Variants in XKR4 observed in about 807,000 individuals in gnomAD.
XKR4 encodes the protein XK related 4.
XKR4 carries 12 observed loss-of-function variants against 53.9 expected under a neutral mutation model. That is an observed-to-expected ratio of 0.22 (90% CI 0.14 to 0.36). XKR4 has a LOEUF of 0.36. Ranked by LOEUF, XKR4 falls within the 10% of genes least tolerant of loss-of-function variation. The pLI is 1.00. For synonymous variants in XKR4, 354 were observed against 362.4 expected, an observed-to-expected ratio of 0.98 and a Z score of 0.26; for missense variants, 799 against 859.5, an observed-to-expected ratio of 0.93 and a Z score of 0.88.
intron 1 of XKR4, among the ~76,000 whole-genome samples, chr8:55,112,453 A>G (rs76095277): frequency 0.14 from 20,851 of 151,828 alleles, 1,794 homozygotes; most frequent in Middle Eastern, 0.26. Flanking sequence ...TGAATCACCA[A>G]TCTGACAGAT....
At chr8:55,126,075 G>T (rs1404707395) in intron 1 of XKR4, among the ~76,000 whole-genome samples, 1 of 152,106 alleles carries the variant, frequency 6.6e-6, no homozygotes, top group Non-Finnish European at 1.5e-5. Flanking sequence ...TGCATCTTAT[G>T]TGATAGAAAC....
chr8:55,526,959 T>C lies in XKR4; in HGVS notation c.*2732T>C, dbSNP rs1451618631. 1 of 152,210 alleles carries C rather than the reference T, an allele frequency of 6.6e-6. No individual in the cohort carries two copies. The highest frequency in any genetic ancestry group is 1.5e-5 in the Non-Finnish European group (1 of 68,040). The allele number at this position is 152,210 out of a possible 1,614,324, so 9.4% of individuals were successfully genotyped here. ...GACATATTTGGAGATTATGATGTTT[T>C]AATTAGGCATGAATTCTTGTTAAGG... is the stretch of plus-strand genomic sequence containing the variant. On this transcript the variant is annotated 3_prime_UTR_variant, in exon 3 of 3. Transcript: ENST00000327381.
chr8:55,339,815 G>A (rs925082204), intron 1 of XKR4, among the ~76,000 whole-genome samples: 8 of 152,068 alleles, frequency 5.3e-5, no homozygotes, highest in African/African-American at 1.7e-4. Context: ...CACACTGGAA[G>A]TTCAGAAAAA....
intron 2 of XKR4, among the ~76,000 whole-genome samples, chr8:55,364,071 G>A (rs1170216518): frequency 6.6e-6 from 1 of 152,190 alleles, no homozygotes; most frequent in East Asian, 1.9e-4. Context: ...AGGTTAATTA[G>A]TTTAAAATGA....
At chr8:55,505,833 C>A (rs1446314853) in intron 2 of XKR4, among the ~76,000 whole-genome samples, 2 of 152,286 alleles carry the variant, frequency 1.3e-5, no homozygotes, top group Non-Finnish European at 2.9e-5. Flanking sequence ...GGTTGAACAA[C>A]CTGATTTTTA....
intron 2 of XKR4, among the ~76,000 whole-genome samples, chr8:55,378,654 T>C (rs1804185185): frequency 6.6e-6 from 1 of 152,122 alleles, no homozygotes; most frequent in African/African-American, 2.4e-5. Context: ...ACATAGAAAT[T>C]GCCTATACTC....
At chr8:55,201,154 T>A (rs757342695) in intron 1 of XKR4, among the ~76,000 whole-genome samples, 27 of 152,228 alleles carry the variant, frequency 1.8e-4, no homozygotes, top group Non-Finnish European at 1.2e-4. Context: ...AAAATTGACT[T>A]TATGTCTGCT....
At chr8:55,376,237 A>G (rs897089589) in intron 2 of XKR4, among the ~76,000 whole-genome samples, 2 of 152,164 alleles carry the variant, frequency 1.3e-5, no homozygotes, top group African/African-American at 4.8e-5. Flanking sequence ...TCCTTTGGGT[A>G]TATACCTAGT....
chr8:55,293,733 C>T lies in XKR4; in HGVS notation c.807-63945C>T, dbSNP rs1819063109. On this transcript the variant is annotated intron_variant, in intron 1 of 2. Coordinates refer to ENST00000327381, the MANE Select transcript of XKR4 (RefSeq NM_052898.2). Reference sequence around the variant, plus strand: ...TTTTCCTAAAGAAAATGTTTATACGCTAATTTTGTTTCTTTGCATAGATGG... The same window carrying T: ...TTTTCCTAAAGAAAATGTTTATACGTTAATTTTGTTTCTTTGCATAGATGG... 2.0e-5 allele frequency among the ~76,000 whole-genome samples: 3 copies of T among 152,030 alleles called. No homozygotes were observed. The South Asian group carries it at 6.2e-4, about 32-fold the overall frequency.
At chr8:55,361,399 G>T (rs904569375) in intron 2 of XKR4, among the ~76,000 whole-genome samples, 1 of 152,146 alleles carries the variant, frequency 6.6e-6, no homozygotes, top group East Asian at 1.9e-4. Context: ...CACATGGAGG[G>T]TGCTGCTCTC....
chr8:55,286,918 A>C (rs1818914285), intron 1 of XKR4, among the ~76,000 whole-genome samples: 1 of 152,154 alleles, frequency 6.6e-6, no homozygotes, highest in African/African-American at 2.4e-5. Flanking sequence ...TCAGCTACAG[A>C]TTTTTGCTCA....
In XKR4 at chr8:55,149,391, G is replaced by A. The variant is rs184856364; in HGVS notation, c.806+46097G>A. On this transcript the variant is annotated intron_variant, in intron 1 of 2. Transcript: ENST00000327381. ...ACGTAGGAGAATCTGAAGGGAGGTC[G>A]GGGTGGGGACAGGAGCAGGAGATGA... Among the ~76,000 whole-genome samples, 9 of 152,290 alleles carry A rather than the reference G, an allele frequency of 5.9e-5. No homozygotes were observed. The East Asian group carries it at 1.2e-3, about 20-fold the overall frequency.
chr8:55,428,883 T>A (rs1805057167), intron 2 of XKR4, among the ~76,000 whole-genome samples: 1 of 152,210 alleles, frequency 6.6e-6, no homozygotes, highest in Non-Finnish European at 1.5e-5. Flanking sequence ...GCAATTCCTA[T>A]CAAAATCTCA....
chr8:55,232,343 C>A (rs1818053661), intron 1 of XKR4, among the ~76,000 whole-genome samples: 2 of 152,214 alleles, frequency 1.3e-5, no homozygotes, highest in South Asian at 4.1e-4. Flanking sequence ...TGCCAGGCCA[C>A]AGTTTGGAAC....
intron 2 of XKR4, among the ~76,000 whole-genome samples, chr8:55,466,054 T>C (rs1805763149): frequency 6.6e-6 from 1 of 152,092 alleles, no homozygotes; most frequent in Admixed American, 6.6e-5. Context: ...GTAAACTAGT[T>C]CAACCATTGT....
intron 1 of XKR4, among the ~76,000 whole-genome samples, chr8:55,302,714 C>A (rs1482976053): frequency 6.6e-6 from 1 of 152,084 alleles, no homozygotes; most frequent in Non-Finnish European, 1.5e-5. Flanking sequence ...TCCTTCACAT[C>A]CCTTGTAAGT....
chr8:55,463,107 G>C (rs1339440504), intron 2 of XKR4, among the ~76,000 whole-genome samples: 1 of 152,128 alleles, frequency 6.6e-6, no homozygotes, highest in African/African-American at 2.4e-5. Flanking sequence ...ATTGAACTCA[G>C]CTCTACACCA....
At chr8:55,171,548 AGAGTTGCCTAATGG>A (rs1297039259) in intron 1 of XKR4, among the ~76,000 whole-genome samples, 1 of 152,058 alleles carries the variant, frequency 6.6e-6, no homozygotes, top group Non-Finnish European at 1.5e-5. Context: ...ATACCTCTGG[AGAGTTGCCTAATGG>A]GACTTGGTTC....
At chr8:55,126,400 GT>G (rs1285457811) in intron 1 of XKR4, among the ~76,000 whole-genome samples, 2 of 152,224 alleles carry the variant, frequency 1.3e-5, no homozygotes, top group Non-Finnish European at 2.9e-5. Context: ...GTTCATCATT[GT>G]CCAGCTGCAT....
Sources: allele counts gnomAD v4.1 joint callset (sites outside exome capture counted in the v4.1 genomes callset), GRCh38; gene constraint gnomAD v4.1.1; transcripts MANE v1.5; gene names NCBI Gene and HGNC (gene_info 2026-07-23, HGNC 2026-07-21).